Variants in HVCN1 observed in about 807,000 individuals in gnomAD.
The protein encoded by HVCN1 is hydrogen voltage gated channel 1.
A neutral mutation model predicts 29.2 loss-of-function variants in HVCN1; 14 were observed. The ratio of observed to expected loss-of-function variants is 0.48; its 90% CI spans 0.32 to 0.75. HVCN1 has a LOEUF of 0.75. HVCN1 is among the 30% of genes least tolerant of loss of function. The pLI is 0.04. For missense variants in HVCN1, 263 were observed against 341.8 expected (o/e 0.77, Z 1.82); for synonymous variants, 131 against 133.2 (o/e 0.98, Z 0.11).
chr12:110,686,499 C>G (rs943610788), intron 2 of HVCN1, among the ~76,000 whole-genome samples: 5 of 152,006 alleles, frequency 3.3e-5, no homozygotes, highest in Non-Finnish European at 7.4e-5. Flanking sequence ...TCAACCTGCT[C>G]TCACGAGAGG....
intron 2 of HVCN1, among the ~76,000 whole-genome samples, chr12:110,698,011 C>T (rs572635682): frequency 8.5e-5 from 13 of 152,222 alleles, no homozygotes; most frequent in Non-Finnish European, 1.5e-4. Context: ...TTCACAAGGC[C>T]ACACAGCTGG....
At chr12:110,695,633 T>A (rs185837369) in intron 2 of HVCN1, among the ~76,000 whole-genome samples, 3 of 152,230 alleles carry the variant, frequency 2.0e-5, no homozygotes, top group Admixed American at 2.0e-4. Context: ...GAGATGCAGA[T>A]CCACTGAGGC....
At chr12:110,683,359 G>A in intron 2 of HVCN1, 95 bp from the exon 3 acceptor site, 5 of 1,437,828 alleles carry the variant, frequency 3.5e-6, no homozygotes, top group Non-Finnish European at 4.6e-6. Context: ...TTAGTTTTAA[G>A]TTAGTTTAGT....
intron 5 of HVCN1, among the ~76,000 whole-genome samples, chr12:110,652,712 A>T (rs1278860212): frequency 6.6e-6 from 1 of 152,230 alleles, no homozygotes; most frequent in Non-Finnish European, 1.5e-5. Context: ...TTTATAGAAG[A>T]GTACCTACTA....
In HVCN1 at chr12:110,661,161, T is replaced by C. The variant is rs1286025098; in HGVS notation, c.306+3A>G. 1 of 1,590,618 alleles carries C rather than the reference T, an allele frequency of 6.3e-7. No homozygotes were observed. Among genetic ancestry groups the C allele is most frequent in the Non-Finnish European group, 8.6e-7 (1 of 1,165,438 alleles). ...GGGTATCCCGGACTCCTGCCCCACCTACCTGAAACCTGTGGGAGCTGAACA... is the reference window on the plus strand; with the variant it reads ...GGGTATCCCGGACTCCTGCCCCACCCACCTGAAACCTGTGGGAGCTGAACA... On this transcript the variant is annotated splice_donor_region_variant and intron_variant, in intron 4 of 7. Transcript: ENST00000242607. The surrounding 1 kb of genome is among the most constrained non-coding windows in gnomAD (Gnocchi z 6.2).
At chr12:110,664,769 C>A (rs16940933) in intron 3 of HVCN1, among the ~76,000 whole-genome samples, 19,515 of 152,060 alleles carry the variant, frequency 0.13, 1,719 homozygotes, top group African/African-American at 0.25. Flanking sequence ...GAGGAGGAGA[C>A]CCCAAAATAT....
rs2068171470 is a variant in HVCN1 at position 110,661,506 on chromosome 12, T to A, written c.22-58A>T. On this transcript the variant is annotated intron_variant, in intron 3 of 7. Transcript: ENST00000242607. The surrounding 1 kb of genome is among the most constrained non-coding windows in gnomAD (Gnocchi z 6.2). ...GGCAGTTGGCCACTCAGAGCCCACA[T>A]GGCCCAGGCCGGGCCAGGCCACTGC... The A allele has an allele frequency of 6.4e-7, 1 of 1,568,934 alleles. No individual in the cohort carries two copies.
Position 110,661,314 on chromosome 12 carries a change from C to A in HVCN1, c.156G>T (p.Glu52Asp), listed in dbSNP as rs1296357060. The A allele has an allele frequency of 2.3e-5, 37 of 1,614,108 alleles. No individual in the cohort carries two copies. Among genetic ancestry groups the A allele is most frequent in the Non-Finnish European group, 3.1e-5 (36 of 1,180,050 alleles). Residue 52 changes from glutamate to aspartate, a missense_variant, in exon 4 of 8, where the codon GAG becomes GAT. By Grantham distance (45) the Glu-to-Asp change is conservative (BLOSUM62 2). Around this residue, in one of 3 missense-constraint regions of HVCN1, gnomAD observed 157 missense variants for 181.3 expected, o/e 0.87. Coordinates refer to ENST00000242607, the MANE Select transcript of HVCN1 (RefSeq NM_032369.4). The surrounding 1 kb of genome is among the most constrained non-coding windows in gnomAD (Gnocchi z 6.2). ...GTGTGGGTGGTGGCTGCTCCTCCTCCTCCTCCTCCTCTTCATTCTCCCATT... is the reference window on the plus strand; with the variant it reads ...GTGTGGGTGGTGGCTGCTCCTCCTCATCCTCCTCCTCTTCATTCTCCCATT... ...YKKWENEEEEEEEEQPPPTPV... is the reference protein window; with the variant it reads ...YKKWENEEEEDEEEQPPPTPV...
Position 110,683,209 on chromosome 12 carries a change from C to T in HVCN1, c.21+16G>A. 1 of 1,613,632 alleles carries T rather than the reference C, an allele frequency of 6.2e-7. No individual in the cohort carries two copies. The highest frequency in any genetic ancestry group is 8.5e-7 in the Non-Finnish European group (1 of 1,179,812). On this transcript the variant is annotated intron_variant, in intron 3 of 7. Transcript: ENST00000242607. ...TGGGATATCCTCTAATGCTGCAAGA[C>T]CACAGAATCCATTACCTTTTCGTCC...
intron 6 of HVCN1, 41 bp downstream of exon 6, chr12:110,651,176 C>G (rs1395680029): frequency 1.4e-6 from 2 of 1,451,928 alleles, no homozygotes; most frequent in Admixed American, 1.7e-5. Context: ...ATGCCTGGGC[C>G]CCTACTCTCC....
At chr12:110,702,429 G>A (rs1024997131) in exon 2 of HVCN1, 2 of 152,034 alleles carry the variant, frequency 1.3e-5, no homozygotes, top group Non-Finnish European at 2.9e-5. Flanking sequence ...GGTAGGCAGC[G>A]TTCTCTTTGG....
At chr12:110,693,500 C>T (rs146331752), upstream of HVCN1, among the ~76,000 whole-genome samples, 727 of 151,638 alleles carry the variant, frequency 4.8e-3, 4 homozygotes, top group African/African-American at 0.017. Flanking sequence ...ACTGAGATCA[C>T]GCCACTGCAC....
rs59009240 is a variant in HVCN1 at position 110,687,257 on chromosome 12, A to ACCC, written c.-20+1365_-20+1367dup. Among the ~76,000 whole-genome samples, 28 of 109,348 alleles carry ACCC rather than the reference A, an allele frequency of 2.6e-4. 1 individual carries two copies. The highest frequency in any genetic ancestry group is 8.1e-4 in the African/African-American group (24 of 29,678). The allele number at this position is 109,348 out of a possible 152,430, so 71.7% of individuals were successfully genotyped here. ...CAAGGAAATATACAAGACAGACCAC[A>ACCC]CCCCCCCCCCCCAGCTAAGCACTGG... On this transcript the variant is annotated intron_variant, in intron 2 of 7. Transcript: ENST00000242607.
chr12:110,687,416 T>A (rs2069233248), intron 2 of HVCN1, among the ~76,000 whole-genome samples: 1 of 151,754 alleles, frequency 6.6e-6, no homozygotes, highest in South Asian at 2.1e-4. Context: ...AGAAGAGCAT[T>A]CCCGGGAAAA....
intron 2 of HVCN1, among the ~76,000 whole-genome samples, chr12:110,700,939 T>C (rs1452346840): frequency 1.3e-5 from 2 of 152,218 alleles, no homozygotes; most frequent in Non-Finnish European, 2.9e-5. Flanking sequence ...GAACTCCAGC[T>C]GGAACTCTTA....
At chr12:110,679,633 C>G (rs1474751885) in intron 3 of HVCN1, among the ~76,000 whole-genome samples, 1 of 152,012 alleles carries the variant, frequency 6.6e-6, no homozygotes, top group Non-Finnish European at 1.5e-5. Flanking sequence ...GCGGGTGGAT[C>G]ATGAGGTCAG....
chr12:110,667,751 C>A (rs1264220757), intron 3 of HVCN1, among the ~76,000 whole-genome samples: 1 of 152,164 alleles, frequency 6.6e-6, no homozygotes, highest in Non-Finnish European at 1.5e-5. Flanking sequence ...TTTGGAAACA[C>A]CTTACCTGGC....
chr12:110,700,187 T>C (rs1344029656), intron 2 of HVCN1, among the ~76,000 whole-genome samples: 2 of 152,208 alleles, frequency 1.3e-5, no homozygotes, highest in African/African-American at 4.8e-5. Flanking sequence ...AGCTAAAAAG[T>C]CTGCGATTGT....
At chr12:110,680,462 C>T (rs997538430) in intron 3 of HVCN1, among the ~76,000 whole-genome samples, 9 of 152,238 alleles carry the variant, frequency 5.9e-5, no homozygotes, top group African/African-American at 2.2e-4. Context: ...GCCATTTACC[C>T]CATGAACAGA....
Sources: allele counts gnomAD v4.1 joint callset (sites outside exome capture counted in the v4.1 genomes callset), GRCh38; gene constraint gnomAD v4.1.1; regional missense constraint gnomAD v4.1.1; non-coding constraint Gnocchi (gnomAD v3.1); transcripts MANE v1.5; gene names NCBI Gene and HGNC (gene_info 2026-07-23, HGNC 2026-07-21).